Variants in OR1J2 observed in about 807,000 individuals in gnomAD.
OR1J2 encodes olfactory receptor family 1 subfamily J member 2.
For missense variants in OR1J2, 304 were observed against 246.1 expected (o/e 1.24, Z -1.57); for synonymous variants, 142 against 99.7 (o/e 1.42, Z -2.52).
At chr9:122,509,213 G>A (rs1479217814), upstream of OR1J2, among the ~76,000 whole-genome samples, 1 of 152,202 alleles carries the variant, frequency 6.6e-6, no homozygotes, top group Non-Finnish European at 1.5e-5. Context: ...AGATTAGGAT[G>A]TGGACATCTT....
the OR1J2 span, among the ~76,000 whole-genome samples, chr9:122,539,525 T>C: frequency 6.6e-6 from 1 of 152,186 alleles, no homozygotes; most frequent in Non-Finnish European, 1.5e-5. Flanking sequence ...TGTTGGACAT[T>C]TGGGTTGGTT....
chr9:122,526,692 C>A, the OR1J2 span: 3 of 1,614,120 alleles, frequency 1.9e-6, no homozygotes, highest in South Asian at 3.3e-5. Flanking sequence ...TACGGTGCCT[C>A]CCAAGACAAA....
the OR1J2 span, among the ~76,000 whole-genome samples, chr9:122,531,199 G>A: frequency 2.2e-3 from 334 of 152,250 alleles, 1 homozygote; most frequent in African/African-American, 7.5e-3. Context: ...GTGGTAAGGG[G>A]TGATATTGTG....
At chr9:122,480,701 A>G in the OR1J2 span, among the ~76,000 whole-genome samples, 2 of 152,142 alleles carry the variant, frequency 1.3e-5, no homozygotes, top group African/African-American at 2.4e-5. Context: ...ACATATGTAT[A>G]CATCATCACC....
At chr9:122,559,834 G>A in the OR1J2 span, among the ~76,000 whole-genome samples, 3 of 152,152 alleles carry the variant, frequency 2.0e-5, no homozygotes, top group African/African-American at 7.2e-5. Context: ...TTCTGTCGAC[G>A]TTTATTAGGT....
the OR1J2 span, chr9:122,527,009 G>A: frequency 3.7e-6 from 6 of 1,614,188 alleles, no homozygotes; most frequent in African/African-American, 6.7e-5. Flanking sequence ...TTTGCGTGAG[G>A]CAACCCGTAT....
At chr9:122,520,159 G>T in the OR1J2 span, 1 of 1,049,416 alleles carries the variant, frequency 9.5e-7, no homozygotes, top group East Asian at 2.5e-5. Context: ...ATCCCAGCAA[G>T]GGATAAGTGC....
chr9:122,494,614 G>C, the OR1J2 span, among the ~76,000 whole-genome samples: 4 of 152,242 alleles, frequency 2.6e-5, no homozygotes, highest in Middle Eastern at 0.01. Context: ...CAGAAACTTG[G>C]TTGGTGAGTT....
the OR1J2 span, among the ~76,000 whole-genome samples, chr9:122,552,030 G>GAC: frequency 1.0e-3 from 130 of 124,234 alleles, no homozygotes; most frequent in African/African-American, 4.0e-3. Flanking sequence ...GAAGGGGTAG[G>GAC]ACACATACAC....
the OR1J2 span, chr9:122,526,835 A>G: frequency 1.1e-5 from 17 of 1,614,074 alleles, no homozygotes; most frequent in African/African-American, 2.0e-4. Context: ...GAGTCAGGGC[A>G]ACGATATTGG....
At chr9:122,474,764 G>A in the OR1J2 span, among the ~76,000 whole-genome samples, 1 of 152,170 alleles carries the variant, frequency 6.6e-6, no homozygotes, top group Non-Finnish European at 1.5e-5. Flanking sequence ...CTATGGCAAG[G>A]TTTATCACTA....
At chr9:122,505,775 A>T in the OR1J2 span, among the ~76,000 whole-genome samples, 1 of 151,676 alleles carries the variant, frequency 6.6e-6, no homozygotes, top group Non-Finnish European at 1.5e-5. Flanking sequence ...TTCAATTTTG[A>T]GTCATTTTTT....
the OR1J2 span, among the ~76,000 whole-genome samples, chr9:122,454,583 A>G: frequency 1.3e-5 from 2 of 151,572 alleles, no homozygotes; most frequent in Non-Finnish European, 2.9e-5. Context: ...TCCATTTATT[A>G]CCTGTCTTGA....
the OR1J2 span, among the ~76,000 whole-genome samples, chr9:122,460,621 T>C: frequency 3.0e-4 from 45 of 152,288 alleles, no homozygotes; most frequent in African/African-American, 1.1e-3. Flanking sequence ...ATATGAATTT[T>C]AGGATTGTTT....
the OR1J2 span, among the ~76,000 whole-genome samples, chr9:122,527,881 C>G: frequency 6.6e-6 from 1 of 152,196 alleles, no homozygotes. Context: ...AGGTACTCTA[C>G]TAAGTACTTT....
chr9:122,520,168 G>A, the OR1J2 span: 1 of 913,016 alleles, frequency 1.1e-6, no homozygotes, highest in Non-Finnish European at 1.6e-6. Context: ...AGGGATAAGT[G>A]CTCAGTAACT....
At chr9:122,499,969 C>T in the OR1J2 span, among the ~76,000 whole-genome samples, 1 of 152,202 alleles carries the variant, frequency 6.6e-6, no homozygotes, top group Non-Finnish European at 1.5e-5. Flanking sequence ...CAGCTCTCCT[C>T]CCACTGCAGG....
At chr9:122,520,058 C>G in the OR1J2 span, 11 of 1,612,938 alleles carry the variant, frequency 6.8e-6, no homozygotes, top group Non-Finnish European at 7.6e-6. Context: ...GACTCTTCAA[C>G]AGGGCAACAG....
At chr9:122,477,208 G>A in the OR1J2 span, 6 of 1,614,162 alleles carry the variant, frequency 3.7e-6, no homozygotes, top group Non-Finnish European at 4.2e-6. Context: ...GGATCCACAA[G>A]TGGACAAGGC....
Sources: allele counts gnomAD v4.1 joint callset (sites outside exome capture counted in the v4.1 genomes callset), GRCh38; gene constraint gnomAD v4.1.1; transcripts MANE v1.5; gene names NCBI Gene and HGNC (gene_info 2026-07-23, HGNC 2026-07-21).